Variants in CCNF observed in about 807,000 individuals in gnomAD.
CCNF encodes cyclin-F.
Under a neutral mutation model 85.4 loss-of-function variants are expected in CCNF, and 30 were observed. The ratio of observed to expected loss-of-function variants is 0.35; its 90% confidence interval spans 0.26 to 0.48. The LOEUF is 0.48. Ranked by LOEUF, CCNF falls within the 20% of genes least tolerant of loss-of-function variation. The pLI is 0.99. For missense variants in CCNF, 919 were observed against 1,010.4 expected, an observed-to-expected ratio of 0.91 and a Z score of 1.23; for synonymous variants, 439 against 425.1, an observed-to-expected ratio of 1.03 and a Z score of -0.40.
chr16:2,431,258 G>A lies in CCNF; in HGVS notation c.145G>A (p.Val49Ile). 1 of 1,614,100 alleles carries A rather than the reference G, an allele frequency of 6.2e-7. No homozygotes were observed. Among genetic ancestry groups the A allele is most frequent in the Non-Finnish European group, 8.5e-7 (1 of 1,180,024 alleles). Residue 49 changes from valine to isoleucine, a missense_variant, in exon 2 of 17, where the codon GTA (valine) becomes ATA (isoleucine). Val to Ile is a conservative substitution (Grantham distance 29). This residue lies in a region of CCNF where 410 missense variants were observed against 478.6 expected (regional missense o/e 0.86). Transcript: ENST00000397066. ...CTTTCACATCCTGAAATGGCTTTCT[G>A]TAGAGGACATCCTGGCCGTCCGAGC... Reference protein sequence around the residue: ...VLFHILKWLSVEDILAVRAVH... With the variant: ...VLFHILKWLSIEDILAVRAVH...
Position 2,439,398 on chromosome 16 carries a change from G to C in CCNF, c.640G>C (p.Ala214Pro). Reference sequence around the variant, plus strand: ...GGCCCATGACCTGTTTGAGGAGGCTGCTCATCAGGGATGTCTGACCAGCTC... The same window carrying C: ...GGCCCATGACCTGTTTGAGGAGGCTCCTCATCAGGGATGTCTGACCAGCTC... ...QQAHDLFEEA[A>P]HQGCLTSSYL... Residue 214 changes from alanine to proline, a missense_variant, in exon 7 of 17, where the codon GCT becomes CCT. By Grantham distance (27) the Ala-to-Pro change is conservative. Around this residue, in one of 3 missense-constraint regions of CCNF, gnomAD observed 410 missense variants for 478.6 expected, o/e 0.86. Coordinates refer to ENST00000397066, the MANE Select transcript of CCNF (RefSeq NM_001761.3). 6.2e-7 allele frequency: 1 copy of C among 1,610,672 alleles called. No homozygotes were observed. Among genetic ancestry groups the C allele is most frequent in the South Asian group, 1.1e-5 (1 of 90,272 alleles).
In CCNF at chr16:2,453,014, TC is replaced by T. The variant is rs1416695206; in HGVS notation, c.1488-194del. 6.6e-6 allele frequency: 4 copies of T among 603,852 alleles called. No homozygotes were observed. The highest frequency in any genetic ancestry group is 1.2e-5 in the Non-Finnish European group (4 of 338,116). The allele number at this position is 603,852 out of a possible 1,614,324, so 37.4% of individuals were successfully genotyped here. A position where few individuals can be genotyped will look rare whatever the true frequency, so the allele number is the denominator to read the frequency against. ...CAGGTTTCTGTGTGGACATAGTTTT[TC>T]CTTTTTCCTGGGTCTTTACCTAGAG... On this transcript the variant is annotated intron_variant, in intron 13 of 16. Transcript: ENST00000397066. This position sits in a 1 kb window ranked among gnomAD's most constrained non-coding sequence, Gnocchi z 5.6.
chr16:2,452,161 A>G lies in CCNF; in HGVS notation c.1488-1049A>G, dbSNP rs2065398698. Reference sequence around the variant, plus strand: ...CAGCCGCCCCGCACATGTCCCGTGTACGTCACCCAGGGCCTCGCTGTCCGG... The same window carrying G: ...CAGCCGCCCCGCACATGTCCCGTGTGCGTCACCCAGGGCCTCGCTGTCCGG... On this transcript the variant is annotated intron_variant, in intron 13 of 16. Transcript: ENST00000397066. This position sits in a 1 kb window ranked among gnomAD's most constrained non-coding sequence, Gnocchi z 4.1. Among the ~76,000 whole-genome samples, 1 of 152,176 alleles carries G rather than the reference A, an allele frequency of 6.6e-6. No individual in the cohort carries two copies. The highest frequency in any genetic ancestry group is 6.5e-5 in the Admixed American group (1 of 15,284).
Position 2,444,208 on chromosome 16 carries a change from C to T in CCNF, c.929+408C>T, listed in dbSNP as rs536076193. On this transcript the variant is annotated intron_variant, in intron 9 of 16. Transcript: ENST00000397066. ...TGCTGGGATTACAGGCGTGAGCCAC[C>T]GCGCCCAGCCTTGGGTGTTTTTTAA... is the stretch of plus-strand genomic sequence containing the variant. Among the ~76,000 whole-genome samples, 12 of 151,800 alleles carry T rather than the reference C, an allele frequency of 7.9e-5. No individual in the cohort carries two copies. In the South Asian group the frequency reaches 8.3e-4, roughly 11 times the overall value.
intron 15 of CCNF, among the ~76,000 whole-genome samples, chr16:2,454,685 G>A (rs1210581516): frequency 6.6e-6 from 1 of 152,238 alleles, no homozygotes; most frequent in Non-Finnish European, 1.5e-5. Context: ...AGTTGGGTGT[G>A]GGTGTCAGCA....
At chr16:2,454,383 G>T (rs146508306) in intron 15 of CCNF, among the ~76,000 whole-genome samples, 10 of 152,276 alleles carry the variant, frequency 6.6e-5, no homozygotes, top group African/African-American at 1.9e-4. Context: ...TGGGGCCAGG[G>T]TCATCACGAG....
In CCNF at chr16:2,437,114, T is replaced by C. The variant is rs1238269222; in HGVS notation, c.347-15T>C. The C allele has an allele frequency of 6.4e-7, 1 of 1,563,914 alleles. No individual in the cohort carries two copies. ...TAAGAGACATCCCTGGGCTCTGTCC[T>C]GTCTGTCCCCGCAGTGTCTGTGTCT... On this transcript the variant is annotated splice_polypyrimidine_tract_variant and intron_variant, in intron 4 of 16. Transcript: ENST00000397066.
At chr16:2,436,990 G>T in intron 4 of CCNF, 139 bp from the exon 5 acceptor site, 1 of 569,742 alleles carries the variant, frequency 1.8e-6, no homozygotes, top group Admixed American at 3.3e-5. Flanking sequence ...CCATCCTGGA[G>T]GGCTCTACTC....
At chr16:2,436,914 G>T (rs1036679751) in intron 4 of CCNF, 1 of 392,248 alleles carries the variant, frequency 2.5e-6, no homozygotes, top group Non-Finnish European at 4.5e-6. Context: ...CACAGCAGGG[G>T]CATTGATCAC....
chr16:2,454,054 C>G (rs1054652824), intron 15 of CCNF, among the ~76,000 whole-genome samples: 1 of 152,214 alleles, frequency 6.6e-6, no homozygotes, highest in African/African-American at 2.4e-5. Flanking sequence ...TTCCACAAGG[C>G]CCCGATGAAC....
chr16:2,453,873 G>C lies in CCNF; in HGVS notation c.1715+336G>C, dbSNP rs1342014703. On this transcript the variant is annotated intron_variant, in intron 15 of 16. Coordinates refer to ENST00000397066, the MANE Select transcript of CCNF (RefSeq NM_001761.3). The surrounding 1 kb of genome is among the most constrained non-coding windows in gnomAD (Gnocchi z 5.6). ...CGCGTCCTGGACTTCTCTGCTCCATGATGCTGCTGTCACTCCCGGCACTCG... is the reference window on the plus strand; with the variant it reads ...CGCGTCCTGGACTTCTCTGCTCCATCATGCTGCTGTCACTCCCGGCACTCG... Among the ~76,000 whole-genome samples the C allele has an allele frequency of 6.6e-6, 1 of 152,160 alleles. No homozygotes were observed. Among genetic ancestry groups the C allele is most frequent in the Non-Finnish European group, 1.5e-5 (1 of 68,014 alleles).
intron 9 of CCNF, 31 bp from the exon 10 acceptor site, chr16:2,445,427 C>A (rs1485865261): frequency 1.2e-6 from 2 of 1,612,418 alleles, no homozygotes; most frequent in Admixed American, 1.7e-5. Context: ...AGAACGCCCC[C>A]ACCAGTTCCC....
At chr16:2,447,377 G>A (rs2065367936) in intron 10 of CCNF, among the ~76,000 whole-genome samples, 1 of 151,838 alleles carries the variant, frequency 6.6e-6, no homozygotes, top group Non-Finnish European at 1.5e-5. Flanking sequence ...GAGGTCAGGA[G>A]TTCAAGACCA....
intron 13 of CCNF, 152 bp downstream of exon 13, chr16:2,450,067 C>T (rs1487067279): frequency 3.1e-5 from 20 of 641,868 alleles, no homozygotes; most frequent in South Asian, 2.4e-4. Context: ...ATTAGCCAGG[C>T]GTGGTGGTGC....
At chr16:2,454,817 T>C (rs1295770916) in intron 15 of CCNF, among the ~76,000 whole-genome samples, 3 of 152,116 alleles carry the variant, frequency 2.0e-5, no homozygotes, top group Non-Finnish European at 4.4e-5. Flanking sequence ...CCCAGCACTT[T>C]GGGAGGCCGA....
chr16:2,450,436 G>T (rs1286737225), intron 13 of CCNF, among the ~76,000 whole-genome samples: 1 of 150,818 alleles, frequency 6.6e-6, no homozygotes, highest in Admixed American at 6.6e-5. Context: ...ACTTGAACCC[G>T]GGAGGCAGAG....
At chr16:2,446,759 T>C (rs28625380) in intron 10 of CCNF, among the ~76,000 whole-genome samples, 150,035 of 152,342 alleles carry the variant, frequency 0.98, 73,888 homozygotes, top group East Asian at 1. Context: ...TTTTGTTTCA[T>C]GAGGAAGCAG....
Position 2,449,323 on chromosome 16 carries a change from A to G in CCNF, c.1260A>G (p.Leu420=). 3.7e-6 allele frequency: 6 copies of G among 1,613,894 alleles called. No homozygotes were observed. Among genetic ancestry groups the G allele is most frequent in the Non-Finnish European group, 5.1e-6 (6 of 1,179,968 alleles). ...VVDYKEVLLT[L]VPVELRTQHL... is the part of the protein sequence containing the mutation. Reference sequence around the variant, plus strand: ...ATTACAAGGAGGTCCTGCTGACGCTAGTCCCTGTGGAGCTGAGAACCCAGC... The same window carrying G: ...ATTACAAGGAGGTCCTGCTGACGCTGGTCCCTGTGGAGCTGAGAACCCAGC... The change falls in exon 12 of 17, where the codon CTA becomes CTG. Residue 420 remains leucine, a synonymous_variant. Transcript: ENST00000397066.
intron 8 of CCNF, among the ~76,000 whole-genome samples, chr16:2,441,954 T>TAA (rs1282210833): frequency 3.0e-5 from 3 of 98,806 alleles, no homozygotes; most frequent in Non-Finnish European, 4.6e-5. Flanking sequence ...TATATATATA[T>TAA]ATATATATAT....
Sources: allele counts gnomAD v4.1 joint callset (sites outside exome capture counted in the v4.1 genomes callset), GRCh38; gene constraint gnomAD v4.1.1; regional missense constraint gnomAD v4.1.1; non-coding constraint Gnocchi (gnomAD v3.1); transcripts MANE v1.5; gene names NCBI Gene and HGNC (gene_info 2026-07-23, HGNC 2026-07-21).